The following PRELID1 variants were observed in gnomAD, a reference collection of about 807,000 sequenced individuals.
PRELID1 encodes PRELI domain containing 1.
Under a neutral mutation model 29.0 loss-of-function variants are expected in PRELID1, and 15 were observed. The ratio of observed to expected loss-of-function variants is 0.52; its 90% CI spans 0.35 to 0.80. The LOEUF (loss-of-function observed/expected upper bound fraction) is 0.80, where lower values mean the gene tolerates loss of function less well. Ranked by LOEUF, PRELID1 falls within the 30% of genes least tolerant of loss-of-function variation. The probability of loss-of-function intolerance (pLI) is 0.01; values close to 1 mark genes in which losing one functional copy is unlikely to be tolerated. For synonymous variants in PRELID1, 79 were observed against 106.5 expected, an observed-to-expected ratio of 0.74 and a Z score of 1.59; for missense variants, 187 against 275.9, an observed-to-expected ratio of 0.68 and a Z score of 2.28.
chr5:177,304,810 T>C lies in PRELID1; in HGVS notation c.278T>C (p.Met93Thr). Residue 93 changes from methionine to threonine, a missense_variant, in exon 2 of 5, where the codon ATG becomes ACG. Physicochemically the swap from Met to Thr is moderately conservative, Grantham distance 81. Transcript: ENST00000303204. ...DSIVDPQNQTMTTFTWNINHA... is the reference protein window; with the variant it reads ...DSIVDPQNQTTTTFTWNINHA... The stretch of plus-strand genomic sequence containing the variant: ...ATTGTGGACCCACAGAATCAGACCA[T>C]GACTACCTTCACCTGGAACATCAAC... 1 of 1,613,642 alleles carries C rather than the reference T, an allele frequency of 6.2e-7. No homozygotes were observed. Among genetic ancestry groups the C allele is most frequent in the Non-Finnish European group, 8.5e-7 (1 of 1,179,718 alleles).
intron 4 of PRELID1, 28 bp downstream of exon 4, chr5:177,306,204 T>G: frequency 6.3e-7 from 1 of 1,597,300 alleles, no homozygotes; most frequent in African/African-American, 1.3e-5. Context: ...TGGATATTCC[T>G]CATAGGGAGA....
chr5:177,304,618 C>A lies in PRELID1; in HGVS notation c.93-7C>A. On this transcript the variant is annotated splice_region_variant and splice_polypyrimidine_tract_variant and intron_variant, in intron 1 of 4. Coordinates refer to ENST00000303204, the MANE Select transcript of PRELID1 (RefSeq NM_013237.4). ...TCTGAGGGTCACCTTCACCCTGACACCTGCAGCAAACATGTCTTGACGGAA... is the reference window on the plus strand; with the variant it reads ...TCTGAGGGTCACCTTCACCCTGACAACTGCAGCAAACATGTCTTGACGGAA... 1 of 1,608,940 alleles carries A rather than the reference C, an allele frequency of 6.2e-7. No individual in the cohort carries two copies. Among genetic ancestry groups the A allele is most frequent in the Non-Finnish European group, 8.5e-7 (1 of 1,175,408 alleles).
At chr5:177,305,733 C>T in intron 2 of PRELID1, 138 bp from the exon 3 acceptor site, 2 of 706,788 alleles carry the variant, frequency 2.8e-6, no homozygotes, top group Non-Finnish European at 4.8e-6. Flanking sequence ...CTGTCAGTGC[C>T]ACTTGGAGGT....
chr5:177,305,721 T>C, intron 2 of PRELID1, 150 bp from the exon 3 acceptor site: 2 of 664,514 alleles, frequency 3.0e-6, no homozygotes, highest in South Asian at 1.8e-5. Flanking sequence ...TGGCTTCTTG[T>C]TCTGTCAGTG....
At chr5:177,306,382 C>T (rs1260864692) in intron 4 of PRELID1, 40 bp from the exon 5 acceptor site, 33 of 1,613,020 alleles carry the variant, frequency 2.0e-5, no homozygotes, top group South Asian at 4.4e-5. Context: ...GTTGGTCTTT[C>T]AGGCATCTTC....
rs1449017115 is a variant in PRELID1 at position 177,304,840 on chromosome 5, C to T, written c.308C>T (p.Ala103Val). Residue 103 changes from alanine to valine, a missense_variant, in exon 2 of 5, where the codon GCC becomes GTC. Ala to Val is a moderately conservative substitution (Grantham distance 64). Coordinates refer to ENST00000303204, the MANE Select transcript of PRELID1 (RefSeq NM_013237.4). ...MTTFTWNINH[A>V]RLMVVEERCV... ...ACCTTCACCTGGAACATCAACCACGCCCGGCTGATGGTGAGACACCTCCTG... is the reference window on the plus strand; with the variant it reads ...ACCTTCACCTGGAACATCAACCACGTCCGGCTGATGGTGAGACACCTCCTG... 4 of 1,610,776 alleles carry T rather than the reference C, an allele frequency of 2.5e-6. No homozygotes were observed. Among genetic ancestry groups the T allele is most frequent in the Admixed American group, 1.7e-5 (1 of 59,794 alleles).
Position 177,306,631 on chromosome 5 carries a change from A to G in PRELID1, c.*61A>G, listed in dbSNP as rs1424976818. The G allele has an allele frequency of 6.5e-7, 1 of 1,549,954 alleles. No individual in the cohort carries two copies. Among genetic ancestry groups the G allele is most frequent in the South Asian group, 1.2e-5 (1 of 84,880 alleles). ...GGCTTAGCCTCTCTGCCCTCCCTTC[A>G]TTGTACTTTATCATTAAAAATCAAC... On this transcript the variant is annotated 3_prime_UTR_variant, in exon 5 of 5. Coordinates refer to ENST00000303204, the MANE Select transcript of PRELID1 (RefSeq NM_013237.4).
Position 177,306,848 on chromosome 5 carries a change from C to CTAG in PRELID1, c.*279_*281dup. ...CCTGCAGGTTAACTGGCGGTAAGTG[C>CTAG]TAGACTGTAAGCCCGACAAGGGCAG... On this transcript the variant is annotated 3_prime_UTR_variant, in exon 5 of 5. Coordinates refer to ENST00000303204, the MANE Select transcript of PRELID1 (RefSeq NM_013237.4). The CTAG allele has an allele frequency of 1.4e-6, 1 of 729,836 alleles. No homozygotes were observed. The highest frequency in any genetic ancestry group is 2.0e-5 in the South Asian group (1 of 51,042). The allele number at this position is 729,836 out of a possible 1,614,324, so 45.2% of individuals were successfully genotyped here.
In PRELID1 at chr5:177,303,938, C is replaced by T; in HGVS notation, c.-48C>T. On this transcript the variant is annotated 5_prime_UTR_variant, in exon 1 of 5. Transcript: ENST00000303204. This position sits in a 1 kb window ranked among gnomAD's most constrained non-coding sequence, Gnocchi z 6.1. The stretch of plus-strand genomic sequence containing the variant: ...CCGGCCCTCGCGTGCCTCCCAGGCT[C>T]CGCACCCCTGATGCTGCGCGGGTGC... 1 of 1,560,174 alleles carries T rather than the reference C, an allele frequency of 6.4e-7. No individual in the cohort carries two copies. Among genetic ancestry groups the T allele is most frequent in the South Asian group, 1.1e-5 (1 of 88,750 alleles).
intron 2 of PRELID1, chr5:177,305,628 T>G: frequency 3.9e-6 from 2 of 513,142 alleles, no homozygotes; most frequent in East Asian, 3.5e-5. Context: ...GGAAGGCCCT[T>G]TGTTGATCTC....
chr5:177,304,259 T>G, intron 1 of PRELID1, 182 bp downstream of exon 1: 1 of 626,856 alleles, frequency 1.6e-6, no homozygotes, highest in Non-Finnish European at 2.8e-6. Flanking sequence ...GGTGGTGGTT[T>G]ACTTGAGACC....
rs1244726060 is a variant in PRELID1, at chr5:177,306,840, G to A, written c.*270G>A. The stretch of plus-strand genomic sequence containing the variant: ...CCAGGTAGCCTGCAGGTTAACTGGC[G>A]GTAAGTGCTAGACTGTAAGCCCGAC... On this transcript the variant is annotated 3_prime_UTR_variant, in exon 5 of 5. Coordinates refer to ENST00000303204, the MANE Select transcript of PRELID1 (RefSeq NM_013237.4). The A allele has an allele frequency of 1.2e-5, 9 of 731,138 alleles. No individual in the cohort carries two copies. Among genetic ancestry groups the A allele is most frequent in the East Asian group, 2.7e-5 (1 of 36,804 alleles). The allele number at this position is 731,138 out of a possible 1,614,324, so 45.3% of individuals were successfully genotyped here.
chr5:177,306,945 A>G lies in PRELID1; in HGVS notation c.*375A>G. The stretch of plus-strand genomic sequence containing the variant: ...TAGACACTCAATAAATACTTGTTGA[A>G]TTCAGTTGGCCCCAGCTCTGGAGTC... On this transcript the variant is annotated 3_prime_UTR_variant, in exon 5 of 5. Transcript: ENST00000303204. 1.0e-6 allele frequency: 1 copy of G among 963,184 alleles called. No individual in the cohort carries two copies. Among genetic ancestry groups the G allele is most frequent in the Admixed American group, 3.0e-5 (1 of 33,518 alleles). The allele number at this position is 963,184 out of a possible 1,614,324, so 59.7% of individuals were successfully genotyped here.
At chr5:177,304,546 G>C in intron 1 of PRELID1, 79 bp from the exon 2 acceptor site, 1 of 1,243,044 alleles carries the variant, frequency 8.0e-7, no homozygotes, top group Non-Finnish European at 1.2e-6. Flanking sequence ...TCTAGGCCCG[G>C]AGCCTCCAAA....
In PRELID1 at chr5:177,304,843, G is replaced by T; in HGVS notation, c.311G>T (p.Arg104Leu). ...TTFTWNINHA[R>L]LMVVEERCVY... Reference sequence around the variant, plus strand: ...TTCACCTGGAACATCAACCACGCCCGGCTGATGGTGAGACACCTCCTGTTG... The same window carrying T: ...TTCACCTGGAACATCAACCACGCCCTGCTGATGGTGAGACACCTCCTGTTG... Residue 104 changes from arginine to leucine, a missense_variant, in exon 2 of 5, where the codon CGG becomes CTG. By Grantham distance (102) the Arg-to-Leu change is moderately radical. Transcript: ENST00000303204. The T allele has an allele frequency of 6.2e-7, 1 of 1,609,342 alleles. No homozygotes were observed. Among genetic ancestry groups the T allele is most frequent in the Middle Eastern group, 1.7e-4 (1 of 6,050 alleles).
rs561463924 is a variant in PRELID1, at chr5:177,306,823, C to G, written c.*253C>G. The G allele has an allele frequency of 1.3e-6, 1 of 751,124 alleles. No individual in the cohort carries two copies. The highest frequency in any genetic ancestry group is 2.7e-5 in the East Asian group (1 of 36,898). 46.5% of individuals were successfully genotyped at this position (751,124 alleles called of 1,614,324 possible). ...GTGACTTGCCCGGGGCTCCAGGTAG[C>G]CTGCAGGTTAACTGGCGGTAAGTGC... On this transcript the variant is annotated 3_prime_UTR_variant, in exon 5 of 5. Coordinates refer to ENST00000303204, the MANE Select transcript of PRELID1 (RefSeq NM_013237.4).
Position 177,303,901 on chromosome 5 carries a change from C to A in PRELID1, c.-85C>A. The stretch of plus-strand genomic sequence containing the variant: ...AGCCTGGCGGCGGGTGTGCGCCGAG[C>A]CCCGGCCCGGCCCGGCCCTCGCGTG... On this transcript the variant is annotated 5_prime_UTR_variant, in exon 1 of 5. Transcript: ENST00000303204. This position sits in a 1 kb window ranked among gnomAD's most constrained non-coding sequence, Gnocchi z 6.1. 1 of 1,227,426 alleles carries A rather than the reference C, an allele frequency of 8.1e-7. No homozygotes were observed. The highest frequency in any genetic ancestry group is 1.1e-6 in the Non-Finnish European group (1 of 877,352). The allele number at this position is 1,227,426 out of a possible 1,614,324, so 76.0% of individuals were successfully genotyped here. A position where few individuals can be genotyped will look rare whatever the true frequency, so the allele number is the denominator to read the frequency against.
In PRELID1 at chr5:177,305,916, G is replaced by A; in HGVS notation, c.364G>A (p.Gly122Ser). 1.9e-6 allele frequency: 3 copies of A among 1,614,184 alleles called. No individual in the cohort carries two copies. The highest frequency in any genetic ancestry group is 1.7e-6 in the Non-Finnish European group (2 of 1,180,036). The change falls in exon 3 of 5, where the codon GGC becomes AGC. Residue 122 changes from glycine to serine, a missense_variant. Transcript: ENST00000303204. ...CVYCVNSDNS[G>S]WTEIRREAWV... is the part of the protein sequence containing the mutation. ...TTACTGTGTGAACTCTGACAACAGT[G>A]GCTGGACTGAAATCCGCCGGGAAGC...
intron 1 of PRELID1, 127 bp from the exon 2 acceptor site, chr5:177,304,498 A>G: frequency 1.2e-6 from 1 of 822,198 alleles, no homozygotes; most frequent in South Asian, 1.4e-5. Flanking sequence ...GAACCATAGC[A>G]CATACCACCC....
Sources: allele counts gnomAD v4.1 joint callset, GRCh38; gene constraint gnomAD v4.1.1; non-coding constraint Gnocchi (gnomAD v3.1); transcripts MANE v1.5; gene names NCBI Gene and HGNC (gene_info 2026-07-23, HGNC 2026-07-21).